Variants in SPAG17 observed in about 807,000 individuals in gnomAD.
SPAG17 encodes the protein sperm associated antigen 17, also known as sperm-associated antigen 17.
A neutral mutation model predicts 273.6 loss-of-function variants in SPAG17; 169 were observed. That is an observed-to-expected ratio of 0.62 (90% CI 0.55 to 0.70). The LOEUF (loss-of-function observed/expected upper bound fraction) is 0.70, where lower values mean the gene tolerates loss of function less well. SPAG17 is among the 30% of genes least tolerant of loss of function. The pLI is 0.00. For synonymous variants in SPAG17, 825 were observed against 873.2 expected (o/e 0.94, Z 0.97); for missense variants, 2,557 against 2,627.8 (o/e 0.97, Z 0.59).
chr1:117,953,667 G>T lies in SPAG17; in HGVS notation c.*383C>A. ...AAAGTTGATGAGATTTAAAGATGGG[G>T]ATTATAACCTGTTTCCTTCTCTTGT... On this transcript the variant is annotated 3_prime_UTR_variant, in exon 49 of 49. Transcript: ENST00000336338. 2 of 838,018 alleles carry T rather than the reference G, an allele frequency of 2.4e-6. No individual in the cohort carries two copies. Among genetic ancestry groups the T allele is most frequent in the Non-Finnish European group, 1.9e-6 (1 of 538,990 alleles). The allele number at this position is 838,018 out of a possible 1,614,324, so 51.9% of individuals were successfully genotyped here.
chr1:118,151,739 G>T (rs978388290), intron 1 of SPAG17, among the ~76,000 whole-genome samples: 1 of 152,016 alleles, frequency 6.6e-6, no homozygotes, highest in Non-Finnish European at 1.5e-5. Flanking sequence ...TCTTTATTTT[G>T]TTCCCTGGTA....
intron 48 of SPAG17, chr1:117,958,844 T>C: frequency 2.5e-6 from 3 of 1,205,618 alleles, no homozygotes; most frequent in Non-Finnish European, 3.6e-6. Context: ...CTGTTTACTG[T>C]TTCTAGAAGG....
chr1:117,975,456 C>G (rs1553213583), intron 43 of SPAG17, among the ~76,000 whole-genome samples: 1 of 151,662 alleles, frequency 6.6e-6, no homozygotes, highest in Non-Finnish European at 1.5e-5. Flanking sequence ...GTTTTTTTTG[C>G]TTGTTTGTTT....
At chr1:118,047,007 A>T (rs575965617) in intron 20 of SPAG17, among the ~76,000 whole-genome samples, 39 of 152,346 alleles carry the variant, frequency 2.6e-4, no homozygotes, top group Admixed American at 7.8e-4. Flanking sequence ...ACGTGTGTTC[A>T]TCAGACAAGA....
At position 117,984,715 on chromosome 1, in the gene SPAG17, T is replaced by TA; in HGVS notation, c.5736dup (p.Lys1913Ter). On this transcript the variant is annotated frameshift_variant, in exon 41 of 49. Transcript: ENST00000336338. LOFTEE classifies it high-confidence loss of function. ...TGATATAACTGGTTCAATTCAGATT[T>TA]AAAAAAGGGTGGTATTATGCGGTTC... is the stretch of plus-strand genomic sequence containing the variant. 1.9e-6 allele frequency: 3 copies of TA among 1,609,852 alleles called. No individual in the cohort carries two copies. The highest frequency in any genetic ancestry group is 2.5e-6 in the Non-Finnish European group (3 of 1,176,738).
chr1:117,996,317 G>T, intron 34 of SPAG17, 53 bp downstream of exon 34: 1 of 1,546,612 alleles, frequency 6.5e-7, no homozygotes, highest in South Asian at 1.3e-5. Context: ...TAGTAAGGAG[G>T]ATGAGAATTG....
intron 7 of SPAG17, among the ~76,000 whole-genome samples, chr1:118,096,353 C>CTTTT (rs5777333): frequency 1.4e-5 from 2 of 146,244 alleles, no homozygotes; most frequent in Non-Finnish European, 1.5e-5. Flanking sequence ...AGACAGTCGG[C>CTTTT]TTTTTTTTTT....
chr1:118,093,384 T>C (rs1655511150), intron 7 of SPAG17, 67 bp from the exon 8 acceptor site: 1 of 1,455,390 alleles, frequency 6.9e-7, no homozygotes, highest in African/African-American at 1.4e-5. Context: ...ATATATGGTA[T>C]ATATCTCTTA....
At chr1:118,153,715 G>A (rs140643610) in intron 1 of SPAG17, among the ~76,000 whole-genome samples, 3 of 152,194 alleles carry the variant, frequency 2.0e-5, no homozygotes, top group African/African-American at 4.8e-5. Flanking sequence ...CGGGTGTGGT[G>A]GAGGGTGCCT....
intron 28 of SPAG17, among the ~76,000 whole-genome samples, chr1:118,022,926 A>G (rs1310535898): frequency 2.0e-5 from 3 of 152,126 alleles, no homozygotes; most frequent in Admixed American, 6.6e-5. Context: ...TGAGGACCTC[A>G]TGCCTGGAGT....
At chr1:118,148,991 G>T (rs1659224377) in intron 3 of SPAG17, among the ~76,000 whole-genome samples, 1 of 152,144 alleles carries the variant, frequency 6.6e-6, no homozygotes, top group Non-Finnish European at 1.5e-5. Flanking sequence ...GCCTGAATTT[G>T]TTTTATGGTC....
chr1:118,135,999 C>G (rs1658334367), intron 3 of SPAG17, among the ~76,000 whole-genome samples: 1 of 152,138 alleles, frequency 6.6e-6, no homozygotes, highest in Admixed American at 6.5e-5. Flanking sequence ...AGGCACTGGG[C>G]AAGTCACTTA....
At chr1:117,988,918 C>A (rs978397597) in intron 38 of SPAG17, among the ~76,000 whole-genome samples, 1 of 152,104 alleles carries the variant, frequency 6.6e-6, no homozygotes, top group African/African-American at 2.4e-5. Flanking sequence ...GATTTAGGAT[C>A]ATTTTAATTA....
intron 23 of SPAG17, 94 bp from the exon 24 acceptor site, chr1:118,036,977 T>A: frequency 1.2e-6 from 1 of 824,216 alleles, no homozygotes; most frequent in South Asian, 1.6e-5. Flanking sequence ...AGTTCATAGC[T>A]GCTCTACCAC....
chr1:118,153,235 T>C (rs1418209924), intron 1 of SPAG17, among the ~76,000 whole-genome samples: 1 of 152,294 alleles, frequency 6.6e-6, no homozygotes, highest in African/African-American at 2.4e-5. Flanking sequence ...ATTGTGAATC[T>C]GCCATGCGTC....
intron 39 of SPAG17, 109 bp from the exon 40 acceptor site, chr1:117,987,990 T>C: frequency 2.1e-6 from 3 of 1,437,826 alleles, no homozygotes; most frequent in Non-Finnish European, 2.9e-6. Flanking sequence ...GTATGGGAGA[T>C]GAAGGGCTGT....
intron 4 of SPAG17, among the ~76,000 whole-genome samples, chr1:118,107,873 C>G (rs181265435): frequency 5.3e-5 from 8 of 152,178 alleles, no homozygotes; most frequent in Admixed American, 5.2e-4. Flanking sequence ...TGTTATTGTT[C>G]TCTCTATATA....
chr1:118,100,092 G>C (rs1655965848), intron 5 of SPAG17, among the ~76,000 whole-genome samples: 1 of 152,188 alleles, frequency 6.6e-6, no homozygotes, highest in Admixed American at 6.5e-5. Flanking sequence ...GTGTGCTTGG[G>C]TTTTTGTTAA....
intron 1 of SPAG17, among the ~76,000 whole-genome samples, chr1:118,178,451 T>C (rs146481602): frequency 6.6e-6 from 1 of 151,854 alleles, no homozygotes; most frequent in Non-Finnish European, 1.5e-5. Context: ...CCTCAAATGA[T>C]AAAGGCCAAA....
Sources: allele counts gnomAD v4.1 joint callset (sites outside exome capture counted in the v4.1 genomes callset), GRCh38; gene constraint gnomAD v4.1.1; transcripts MANE v1.5; gene names NCBI Gene and HGNC (gene_info 2026-07-23, HGNC 2026-07-21).